The following MUC5B variants were observed in gnomAD, a reference collection of about 807,000 sequenced individuals.
MUC5B encodes mucin 5B, oligomeric mucus/gel-forming.
In MUC5B, 116 loss-of-function variants were observed where a neutral mutation model predicts 376.9. The ratio of observed to expected loss-of-function variants is 0.31; its 90% confidence interval spans 0.26 to 0.36. The LOEUF (loss-of-function observed/expected upper bound fraction) is 0.36. Ranked by LOEUF, MUC5B falls within the 10% of genes least tolerant of loss-of-function variation. The pLI is 1.00. For synonymous variants in MUC5B, 3,517 were observed against 3,390.9 expected (o/e 1.04, Z -1.29); for missense variants, 7,165 against 7,769.9 (o/e 0.92, Z 2.93).
intron 30 of MUC5B, 115 bp from the exon 31 acceptor site, chr11:1,240,736 G>A: frequency 9.7e-7 from 1 of 1,027,600 alleles, no homozygotes; most frequent in Non-Finnish European, 1.4e-6. Context: ...GGGGTCCCCA[G>A]TATCCCACAG....
At chr11:1,228,535 T>C in intron 7 of MUC5B, 29 bp from the exon 8 acceptor site, 1 of 1,487,672 alleles carries the variant, frequency 6.7e-7, no homozygotes. Flanking sequence ...ATGGCAGGGG[T>C]GCCCAGCCTG....
rs1470567850 is a variant in MUC5B, at chr11:1,239,827, G to A, written c.3612G>A (p.Gln1204=). The change falls in exon 28 of 49, where the codon CAG becomes CAA. Residue 1204 remains glutamine, a synonymous_variant. Transcript: ENST00000529681. ...GCTACCCGAAGTGCCCACCCAGCCA[G>A]CCCTTCTTCAATGAGGACCAGATGA... ...EGCYPKCPPS[Q]PFFNEDQMKC... 1.2e-6 allele frequency: 2 copies of A among 1,612,204 alleles called. No homozygotes were observed. The highest frequency in any genetic ancestry group is 2.7e-5 in the African/African-American group (2 of 74,894).
Position 1,237,035 on chromosome 11 carries a change from G to A in MUC5B, c.3168G>A (p.Lys1056=), listed in dbSNP as rs1232758371. 6.3e-7 allele frequency: 1 copy of A among 1,579,400 alleles called. No individual in the cohort carries two copies. Among genetic ancestry groups the A allele is most frequent in the South Asian group, 1.2e-5 (1 of 86,092 alleles). ...CACTGGAGTTTGGGAACAGCTGGAA[G>A]CTCTCCCCCTCCTGCCCGGACGCCC... ...GDALEFGNSW[K]LSPSCPDALA... is the part of the protein sequence containing the mutation. Residue 1056 remains lysine, a synonymous_variant, in exon 25 of 49, where the codon AAG becomes AAA. Transcript: ENST00000529681.
At position 1,241,762 on chromosome 11, in the gene MUC5B, T is replaced by A. The variant is rs780747413; in HGVS notation, c.4882T>A (p.Phe1628Ile). The A allele has an allele frequency of 1.9e-6, 3 of 1,612,002 alleles. No homozygotes were observed. Among genetic ancestry groups the A allele is most frequent in the Non-Finnish European group, 2.5e-6 (3 of 1,179,354 alleles). The change falls in exon 31 of 49, where the codon TTC becomes ATC. Residue 1628 changes from phenylalanine to isoleucine, a missense_variant. Physicochemically the swap from Phe to Ile is conservative, Grantham distance 21. Coordinates refer to ENST00000529681, the MANE Select transcript of MUC5B (RefSeq NM_002458.3). ...CACCACCACCACCACCCAGGCCCTG[T>A]TCTCAACGCCGCAGCCTACGAGTAG... is the stretch of plus-strand genomic sequence containing the variant. ...TATTTTTQAL[F>I]STPQPTSSPG...
Position 1,248,415 on chromosome 11 carries a change from G to A in MUC5B, c.11535G>A (p.Arg3845=), listed in dbSNP as rs778449917. ...TTACCACCACGGCCACCACAACCAG[G>A]GCCACCGGCTCTGTGGCCACCCCCT... ...TVLTTTATTT[R]ATGSVATPSS... Residue 3845 remains arginine, a synonymous_variant, in exon 31 of 49, where the codon AGG becomes AGA. Coordinates refer to ENST00000529681, the MANE Select transcript of MUC5B (RefSeq NM_002458.3). 1.7e-5 allele frequency: 27 copies of A among 1,610,510 alleles called. No individual in the cohort carries two copies. In the African/African-American group the frequency reaches 2.0e-4, roughly 12 times the overall value.
chr11:1,232,937 G>T, intron 17 of MUC5B, 76 bp from the exon 18 acceptor site: 1 of 1,478,640 alleles, frequency 6.8e-7, no homozygotes, highest in Non-Finnish European at 9.0e-7. Context: ...TCACAGACGG[G>T]GATGCTGAGT....
At chr11:1,255,297 T>C (rs1376750491) in intron 36 of MUC5B, 31 bp downstream of exon 36, 1 of 1,495,570 alleles carries the variant, frequency 6.7e-7, no homozygotes, top group Non-Finnish European at 9.0e-7. Context: ...TTGCAGGCCC[T>C]GGGGCGCCCC....
In MUC5B at chr11:1,253,132, A is replaced by T; in HGVS notation, c.15217+152A>T. ...GGGGCATGGTGGGGTGCAGTGGGGC[A>T]TGGTGGGGCATGGTGGGGTGTGGTG... On this transcript the variant is annotated intron_variant, in intron 33 of 48. Transcript: ENST00000529681. The surrounding 1 kb of genome is among the most constrained non-coding windows in gnomAD (Gnocchi z 4.3). 59 of 580,142 alleles carry T rather than the reference A, an allele frequency of 1.0e-4. No homozygotes were observed. Among genetic ancestry groups the T allele is most frequent in the East Asian group, 1.9e-4 (5 of 26,340 alleles). The allele number at this position is 580,142 out of a possible 1,614,324, so 35.9% of individuals were successfully genotyped here. A position where few individuals can be genotyped will look rare whatever the true frequency, so the allele number is the denominator to read the frequency against.
intron 13 of MUC5B, 80 bp from the exon 14 acceptor site, chr11:1,231,343 C>T: frequency 2.7e-6 from 4 of 1,485,278 alleles, no homozygotes; most frequent in South Asian, 2.7e-5. Flanking sequence ...GTGGCCCGGC[C>T]CACTGGATGC....
Position 1,259,954 on chromosome 11 carries a change from G to A in MUC5B, c.16801-9G>A, listed in dbSNP as rs769950600. The A allele has an allele frequency of 1.2e-6, 2 of 1,613,004 alleles. No individual in the cohort carries two copies. The highest frequency in any genetic ancestry group is 2.2e-5 in the East Asian group (1 of 44,886). On this transcript the variant is annotated splice_polypyrimidine_tract_variant and intron_variant, in intron 45 of 48. Coordinates refer to ENST00000529681, the MANE Select transcript of MUC5B (RefSeq NM_002458.3). ...CTACTCAGCTTCCACACTCACCCTT[G>A]CATTTCAGCTGAATGAAACCTGGGT...
Position 1,240,203 on chromosome 11 carries a change from G to C in MUC5B, c.3798G>C (p.Arg1266Ser). The C allele has an allele frequency of 1.9e-6, 3 of 1,610,952 alleles. No individual in the cohort carries two copies. Among genetic ancestry groups the C allele is most frequent in the Non-Finnish European group, 2.5e-6 (3 of 1,177,828 alleles). Residue 1266 changes from arginine to serine, a missense_variant, in exon 30 of 49, where the codon AGG (arginine) becomes AGC (serine). Around this residue, in one of 31 missense-constraint regions of MUC5B, gnomAD observed 517 missense variants for 545.3 expected, o/e 0.95. Coordinates refer to ENST00000529681, the MANE Select transcript of MUC5B (RefSeq NM_002458.3). ...LEACTCTYED[R>S]TYSYQDVIYN... ...CCTGCACCTGCACCTATGAGGACAG[G>C]ACCTACAGCTACCAGGACGTCATCT...
At position 1,237,080 on chromosome 11, in the gene MUC5B, C is replaced by G; in HGVS notation, c.3213C>G (p.Cys1071Trp). ...ACGCCCTGGCACCCAAGGACCCCTG[C>G]ACGGCCAACCCCTTCCGCAAGTCCT... ...CPDALAPKDP[C>W]TANPFRKSWA... Residue 1071 changes from cysteine (C) to tryptophan (W), a missense_variant, in exon 25 of 49, where the codon TGC (cysteine) becomes TGG (tryptophan). Physicochemically the swap from Cys to Trp is radical, Grantham distance 215 (BLOSUM62 -2). Around this residue, in one of 31 missense-constraint regions of MUC5B, gnomAD observed 143 missense variants for 193.2 expected, o/e 0.74. Transcript: ENST00000529681. 6.4e-7 allele frequency: 1 copy of G among 1,571,066 alleles called. No individual in the cohort carries two copies. The highest frequency in any genetic ancestry group is 1.4e-5 in the African/African-American group (1 of 73,524).
chr11:1,247,996 A>G lies in MUC5B; in HGVS notation c.11116A>G (p.Thr3706Ala). The G allele has an allele frequency of 6.2e-7, 1 of 1,610,122 alleles. No homozygotes were observed. The highest frequency in any genetic ancestry group is 8.5e-7 in the Non-Finnish European group (1 of 1,177,706). ...CACAACAGCCACTACGACTGAGTCC[A>G]CTGGATCCACGGCCACCCCGTCCTC... ...LTTTATTTES[T>A]GSTATPSSTP... Residue 3706 changes from threonine (T) to alanine (A), a missense_variant, in exon 31 of 49, where the codon ACT (threonine) becomes GCT (alanine). Coordinates refer to ENST00000529681, the MANE Select transcript of MUC5B (RefSeq NM_002458.3).
intron 13 of MUC5B, among the ~76,000 whole-genome samples, 189 bp downstream of exon 13, chr11:1,231,194 AC>A (rs1406022301): frequency 6.6e-6 from 1 of 151,470 alleles, no homozygotes; most frequent in East Asian, 1.9e-4. Context: ...AGCGGCAGGG[AC>A]CCCACATCCA....
chr11:1,235,257 G>C, intron 22 of MUC5B, 34 bp downstream of exon 22: 9 of 1,610,808 alleles, frequency 5.6e-6, no homozygotes, highest in Non-Finnish European at 7.6e-6. Context: ...CTGCAGGCCG[G>C]GCACACTCCA....
intron 48 of MUC5B, among the ~76,000 whole-genome samples, 153 bp from the exon 49 acceptor site, chr11:1,261,236 A>T (rs1862987908): frequency 6.6e-6 from 1 of 152,212 alleles, no homozygotes; most frequent in Non-Finnish European, 1.5e-5. Context: ...CATCCTGAGA[A>T]GGTGAAGCCT....
rs775086070 is a variant in MUC5B at position 1,247,499 on chromosome 11, C to T, written c.10619C>T (p.Thr3540Ile). 57 of 1,608,420 alleles carry T rather than the reference C, an allele frequency of 3.5e-5. 3 individuals are homozygous for T. The South Asian group carries it at 5.0e-4, about 14-fold the overall frequency. ...CACACCAGGGGCACCTCCAGGACCACAGCCACAGCCACACCCAGCAAGACC... is the reference window on the plus strand; with the variant it reads ...CACACCAGGGGCACCTCCAGGACCATAGCCACAGCCACACCCAGCAAGACC... ...PGHTRGTSRT[T>I]ATATPSKTRT... Residue 3540 changes from threonine (T) to isoleucine (I), a missense_variant, in exon 31 of 49, where the codon ACA (threonine) becomes ATA (isoleucine). Transcript: ENST00000529681.
In MUC5B at chr11:1,257,886, C is replaced by G. The variant is rs56278723; in HGVS notation, c.16450+176C>G. On this transcript the variant is annotated intron_variant, in intron 41 of 48. Transcript: ENST00000529681. This position sits in a 1 kb window ranked among gnomAD's most constrained non-coding sequence, Gnocchi z 8.9. ...TCCAGGTGCTTCATTCTCCTCCTAA[C>G]GATGAGGCTGGTGACCTCTGGCCTG... Among the ~76,000 whole-genome samples, 3,799 of 152,254 alleles carry G rather than the reference C, an allele frequency of 0.025. 62 individuals carry two copies. Among genetic ancestry groups the G allele is most frequent in the Non-Finnish European group, 0.033 (2,225 of 68,000 alleles).
In MUC5B at chr11:1,239,515, A is replaced by G; in HGVS notation, c.3532A>G (p.Thr1178Ala). The change falls in exon 27 of 49, where the codon ACC becomes GCC. Residue 1178 changes from threonine to alanine, a missense_variant. Thr to Ala is a moderately conservative substitution (Grantham distance 58). This residue lies in a region of MUC5B where 517 missense variants were observed against 545.3 expected (regional missense o/e 0.95). Transcript: ENST00000529681. ...GCCCTGCGGGGCACCCTGCCTAAAA[A>G]CCTGCCGGAACCCCAGTGGGCACTG... ...YQPCGAPCLK[T>A]CRNPSGHCLV... is the part of the protein sequence containing the mutation. 6.2e-7 allele frequency: 1 copy of G among 1,602,494 alleles called. No homozygotes were observed. The highest frequency in any genetic ancestry group is 8.5e-7 in the Non-Finnish European group (1 of 1,172,212).
Sources: allele counts gnomAD v4.1 joint callset (sites outside exome capture counted in the v4.1 genomes callset), GRCh38; gene constraint gnomAD v4.1.1; regional missense constraint gnomAD v4.1.1; non-coding constraint Gnocchi (gnomAD v3.1); transcripts MANE v1.5; gene names NCBI Gene and HGNC (gene_info 2026-07-23, HGNC 2026-07-21).